Variants in CEP112 observed in about 807,000 individuals in gnomAD.
CEP112 encodes centrosomal protein 112.
CEP112 carries 127 observed loss-of-function variants against 153.0 expected under a neutral mutation model. The ratio of observed to expected loss-of-function variants is 0.83; its 90% CI spans 0.72 to 0.96. CEP112 has a LOEUF of 0.96. Among genes scored for constraint, CEP112 ranks in the 40% least tolerant of loss-of-function variants. The probability of loss-of-function intolerance (pLI) is 0.00; values close to 1 mark genes in which losing one functional copy is unlikely to be tolerated. For missense variants in CEP112, 1,089 were observed against 1,101.2 expected, an observed-to-expected ratio of 0.99 and a Z score of 0.16; for synonymous variants, 358 against 374.4, an observed-to-expected ratio of 0.96 and a Z score of 0.51.
intron 4 of CEP112, among the ~76,000 whole-genome samples, chr17:66,171,634 A>G (rs920540260): frequency 2.6e-5 from 4 of 152,220 alleles, no homozygotes; most frequent in South Asian, 2.1e-4. Flanking sequence ...GATGTCACAC[A>G]TGATACATAT....
intron 19 of CEP112, among the ~76,000 whole-genome samples, chr17:65,908,826 C>T (rs752993447): frequency 8.5e-5 from 13 of 152,164 alleles, no homozygotes; most frequent in African/African-American, 2.9e-4. Context: ...TCAGAACAGA[C>T]GAAATCCTTC....
intron 21 of CEP112, among the ~76,000 whole-genome samples, chr17:65,763,127 T>C (rs946870079): frequency 1.3e-5 from 2 of 152,122 alleles, no homozygotes; most frequent in African/African-American, 4.8e-5. Context: ...GATTGTTCAC[T>C]TCTCTCTCTT....
At chr17:65,641,807 T>C (rs370102730) in intron 24 of CEP112, among the ~76,000 whole-genome samples, 7 of 152,160 alleles carry the variant, frequency 4.6e-5, no homozygotes, top group African/African-American at 1.4e-4. Flanking sequence ...CTAAATGTGA[T>C]TCATATAATC....
intron 18 of CEP112, among the ~76,000 whole-genome samples, chr17:65,952,490 C>A (rs956009788): frequency 1.3e-5 from 2 of 151,994 alleles, no homozygotes; most frequent in African/African-American, 4.8e-5. Context: ...ATTGTACATA[C>A]CACATTTCAT....
At chr17:65,768,503 C>T (rs918630775) in intron 21 of CEP112, among the ~76,000 whole-genome samples, 1 of 152,026 alleles carries the variant, frequency 6.6e-6, no homozygotes, top group East Asian at 1.9e-4. Flanking sequence ...CCAGAAAAAG[C>T]AACATAGGAA....
chr17:65,911,329 T>C (rs1461505297), intron 19 of CEP112, among the ~76,000 whole-genome samples: 1 of 152,164 alleles, frequency 6.6e-6, no homozygotes, highest in Non-Finnish European at 1.5e-5. Flanking sequence ...GTATAAATAA[T>C]ACTATGGTTG....
At chr17:65,795,398 G>A (rs1280220004) in intron 21 of CEP112, among the ~76,000 whole-genome samples, 1 of 152,164 alleles carries the variant, frequency 6.6e-6, no homozygotes, top group East Asian at 1.9e-4. Flanking sequence ...GTAACCTGAG[G>A]CTCAGTGAGT....
At chr17:65,839,495 C>T (rs2057437846) in intron 21 of CEP112, among the ~76,000 whole-genome samples, 1 of 149,106 alleles carries the variant, frequency 6.7e-6, no homozygotes, top group Non-Finnish European at 1.5e-5. Context: ...TCTCAATAAA[C>T]CGTGTATAGT....
chr17:65,719,786 A>G (rs752121650), intron 23 of CEP112, among the ~76,000 whole-genome samples: 2 of 152,206 alleles, frequency 1.3e-5, no homozygotes, highest in Non-Finnish European at 2.9e-5. Flanking sequence ...GCACTGGTAG[A>G]GGGTGTGAGC....
intron 1 of CEP112, among the ~76,000 whole-genome samples, chr17:66,188,390 T>C (rs999846298): frequency 1.3e-5 from 2 of 149,502 alleles, no homozygotes; most frequent in Non-Finnish European, 3.0e-5. Flanking sequence ...CTCCTCACCA[T>C]GGTCAAACCC....
chr17:65,751,660 G>A (rs886612134), intron 21 of CEP112, among the ~76,000 whole-genome samples: 2 of 151,972 alleles, frequency 1.3e-5, no homozygotes, highest in Non-Finnish European at 2.9e-5. Context: ...TTGTTTCTAT[G>A]TTCCATTTGT....
At chr17:65,971,466 A>G (rs1417874189) in intron 17 of CEP112, among the ~76,000 whole-genome samples, 2 of 103,084 alleles carry the variant, frequency 1.9e-5, no homozygotes, top group East Asian at 1.6e-3. Flanking sequence ...TATCACACAC[A>G]TGTATCATGC....
chr17:66,157,317 C>T (rs560376251), intron 4 of CEP112, among the ~76,000 whole-genome samples: 13 of 152,198 alleles, frequency 8.5e-5, no homozygotes, highest in Non-Finnish European at 1.5e-4. Flanking sequence ...CCTTTACAGA[C>T]GAGCAAATGT....
intron 23 of CEP112, among the ~76,000 whole-genome samples, chr17:65,727,253 AT>A (rs375918163): frequency 7.7e-4 from 115 of 149,000 alleles, no homozygotes; most frequent in African/African-American, 2.3e-3. Flanking sequence ...AAGAATGAGC[AT>A]TTTTTTTTTC....
In CEP112 at chr17:65,868,994, T is replaced by C. The variant is rs560954702; in HGVS notation, c.2164-16960A>G. ...TCTCATAAGTTATTGCATAGACAGG[T>C]AGCTGGTAACAGTAGAAAAGAGACA... On this transcript the variant is annotated intron_variant, in intron 20 of 26. Transcript: ENST00000535342. Among the ~76,000 whole-genome samples, 93 of 152,330 alleles carry C rather than the reference T, an allele frequency of 6.1e-4. 2 individuals are homozygous for C. The highest frequency in any genetic ancestry group is 4.6e-3 in the South Asian group (22 of 4,830).
At chr17:65,683,449 C>T (rs2047627712) in intron 24 of CEP112, among the ~76,000 whole-genome samples, 1 of 152,158 alleles carries the variant, frequency 6.6e-6, no homozygotes, top group Non-Finnish European at 1.5e-5. Flanking sequence ...AAGAGGACCC[C>T]GGGGGCAACC....
intron 18 of CEP112, among the ~76,000 whole-genome samples, chr17:65,949,829 G>T (rs1446947311): frequency 6.6e-6 from 1 of 151,988 alleles, no homozygotes; most frequent in Non-Finnish European, 1.5e-5. Context: ...TCTGGATAGG[G>T]TTCTTAAGGT....
intron 4 of CEP112, among the ~76,000 whole-genome samples, chr17:66,151,743 C>T (rs1398693878): frequency 6.6e-6 from 1 of 152,118 alleles, no homozygotes; most frequent in African/African-American, 2.4e-5. Flanking sequence ...CCAGCAAGGA[C>T]CTGAATCCTA....
chr17:66,072,224 T>C (rs2067330511), intron 8 of CEP112, among the ~76,000 whole-genome samples: 1 of 152,160 alleles, frequency 6.6e-6, no homozygotes, highest in African/African-American at 2.4e-5. Flanking sequence ...AATATATATT[T>C]CCTTAGAACA....
Sources: gnomAD v4.1 joint callset for allele counts (sites outside exome capture counted in the v4.1 genomes callset) on GRCh38, gnomAD v4.1.1 for gene constraint, MANE v1.5 for transcripts, NCBI Gene and HGNC (gene_info 2026-07-23, HGNC 2026-07-21) for gene names.